Variants in ASAH2 observed in about 807,000 individuals in gnomAD.
ASAH2 encodes the protein neutral ceramidase.
ASAH2 carries 58 observed loss-of-function variants against 82.9 expected under a neutral mutation model. That is an observed-to-expected ratio of 0.70 (90% CI 0.57 to 0.87). ASAH2 has a LOEUF of 0.87. Ranked by LOEUF, ASAH2 falls within the 40% of genes least tolerant of loss-of-function variation. ASAH2 has a pLI of 0.00. For missense variants in ASAH2, 779 were observed against 834.0 expected (o/e 0.93, Z 0.81); for synonymous variants, 276 against 289.7 (o/e 0.95, Z 0.48).
At chr10:50,190,467 T>G (rs562774322) in intron 19 of ASAH2, among the ~76,000 whole-genome samples, 1 of 28,962 alleles carries the variant, frequency 3.5e-5, no homozygotes, top group African/African-American at 5.1e-5. Flanking sequence ...ACTGATGAAT[T>G]ACATTCAATA....
intron 3 of ASAH2, among the ~76,000 whole-genome samples, 178 bp from the exon 4 acceptor site, chr10:50,243,529 GC>G (rs1564852054): frequency 6.6e-6 from 1 of 152,166 alleles, no homozygotes. Context: ...AACAAAGAAA[GC>G]CAAAAAATAT....
At chr10:50,243,450 A>G in intron 3 of ASAH2, 99 bp from the exon 4 acceptor site, 2 of 1,272,134 alleles carry the variant, frequency 1.6e-6, no homozygotes, top group South Asian at 1.7e-5. Context: ...AAAAACAAAG[A>G]AAAACATCCA....
intron 8 of ASAH2, 25 bp from the exon 9 acceptor site, chr10:50,214,893 CT>C: frequency 6.2e-7 from 1 of 1,612,708 alleles, no homozygotes; most frequent in South Asian, 1.1e-5. Flanking sequence ...GCCAAGTTGC[CT>C]TTTATTCTTT....
intron 2 of ASAH2, 86 bp downstream of exon 2, chr10:50,248,396 GAC>G: frequency 6.7e-7 from 1 of 1,495,122 alleles, no homozygotes; most frequent in Non-Finnish European, 9.1e-7. Flanking sequence ...ACTATCAGCA[GAC>G]ACTGTTTTTC....
chr10:50,231,874 G>T (rs1409184690), intron 7 of ASAH2, among the ~76,000 whole-genome samples: 2 of 152,176 alleles, frequency 1.3e-5, no homozygotes, highest in African/African-American at 4.8e-5. Flanking sequence ...TAGCTAAAAT[G>T]ATTAAGCTTT....
chr10:50,226,459 A>C (rs925681082), intron 7 of ASAH2, among the ~76,000 whole-genome samples: 4,575 of 152,224 alleles, frequency 0.03, 129 homozygotes, highest in Middle Eastern at 0.12. Flanking sequence ...TTACTGTGGA[A>C]ATTTTAGAAA....
At chr10:50,202,042 A>C (rs1163760978) in intron 16 of ASAH2, among the ~76,000 whole-genome samples, 1 of 152,108 alleles carries the variant, frequency 6.6e-6, no homozygotes, top group East Asian at 1.9e-4. Context: ...GAAAGGATGT[A>C]ATTCTTCCTA....
intron 5 of ASAH2, 118 bp from the exon 6 acceptor site, chr10:50,234,670 C>A: frequency 7.2e-7 from 1 of 1,387,856 alleles, no homozygotes; most frequent in South Asian, 1.2e-5. Context: ...AATGGGTCCA[C>A]ATTACGGGAT....
At chr10:50,205,007 T>C (rs1320321811) in intron 13 of ASAH2, 52 bp from the exon 14 acceptor site, 4 of 1,279,870 alleles carry the variant, frequency 3.1e-6, no homozygotes, top group Non-Finnish European at 4.4e-6. Context: ...CTCTCTATGG[T>C]CAACAGACAT....
intron 7 of ASAH2, 63 bp from the exon 8 acceptor site, chr10:50,218,693 T>C: frequency 1.3e-6 from 2 of 1,598,112 alleles, no homozygotes; most frequent in Non-Finnish European, 8.6e-7. Context: ...CCAAGAACTA[T>C]GACTGGGAGC....
chr10:50,236,016 T>C lies in ASAH2; in HGVS notation c.559A>G (p.Asn187Asp). 1 of 1,613,302 alleles carries C rather than the reference T, an allele frequency of 6.2e-7. No individual in the cohort carries two copies. Among genetic ancestry groups the C allele is most frequent in the South Asian group, 1.1e-5 (1 of 91,074 alleles). ...GTGTGAGTGCCACTCAGGATGACAT[T>C]ATCTCTTCTGTACAGGGAGCCATAT... ...SKYGSLYRRD[N>D]VILSGTHTHS... The change falls in exon 5 of 21, where the codon AAT becomes GAT. Residue 187 changes from asparagine (N) to aspartate (D), a missense_variant. Around this residue, in one of 3 missense-constraint regions of ASAH2, gnomAD observed 759 missense variants for 755.2 expected, o/e 1.00. Coordinates refer to ENST00000682911, the MANE Select transcript of ASAH2 (RefSeq NM_019893.4).
chr10:50,234,483 C>T lies in ASAH2; in HGVS notation c.757G>A (p.Val253Met). ...IFINKGNVDG[V>M]QINRSPYSYL... The stretch of plus-strand genomic sequence containing the variant: ...GAATACGGACTTCTGTTGATCTGCA[C>T]ACCATCCACATTTCCTTTATTGATG... Residue 253 changes from valine to methionine, a missense_variant, in exon 6 of 21, where the codon GTG (valine) becomes ATG (methionine). Val to Met is a conservative substitution (Grantham distance 21). Coordinates refer to ENST00000682911, the MANE Select transcript of ASAH2 (RefSeq NM_019893.4). 4 of 1,613,110 alleles carry T rather than the reference C, an allele frequency of 2.5e-6. No homozygotes were observed. Among genetic ancestry groups the T allele is most frequent in the South Asian group, 2.2e-5 (2 of 91,060 alleles).
At chr10:50,206,698 T>A (rs576328209) in intron 12 of ASAH2, among the ~76,000 whole-genome samples, 2 of 152,070 alleles carry the variant, frequency 1.3e-5, no homozygotes, top group African/African-American at 4.8e-5. Context: ...ATTATAAATG[T>A]CTGTGTAACA....
At chr10:50,229,112 C>T (rs979232127) in intron 7 of ASAH2, among the ~76,000 whole-genome samples, 2 of 152,050 alleles carry the variant, frequency 1.3e-5, no homozygotes, top group Non-Finnish European at 2.9e-5. Flanking sequence ...ACATTTGAAA[C>T]CTGTTTTGCT....
At chr10:50,207,149 A>G (rs1233571587) in intron 12 of ASAH2, among the ~76,000 whole-genome samples, 1 of 151,842 alleles carries the variant, frequency 6.6e-6, no homozygotes, top group African/African-American at 2.4e-5. Context: ...AACACAACAC[A>G]TCAAAACTTA....
chr10:50,248,125 C>T (rs569709492), intron 2 of ASAH2, among the ~76,000 whole-genome samples: 1 of 152,244 alleles, frequency 6.6e-6, no homozygotes, highest in African/African-American at 2.4e-5. Context: ...TCTCCTTTTG[C>T]CCCCAGGAGA....
chr10:50,217,543 G>A (rs2842115), intron 8 of ASAH2, among the ~76,000 whole-genome samples: 116,149 of 151,946 alleles, frequency 0.76, 46,271 homozygotes, highest in Non-Finnish European at 0.88. Context: ...TCTGTTTTCT[G>A]TCATGAATAT....
chr10:50,250,970 C>G (rs1380166478), intron 1 of ASAH2, among the ~76,000 whole-genome samples: 1 of 152,194 alleles, frequency 6.6e-6, no homozygotes, highest in African/African-American at 2.4e-5. Context: ...ACTTGACCAC[C>G]ACCTTTAAGG....
At chr10:50,248,940 C>A (rs1846544142) in intron 1 of ASAH2, among the ~76,000 whole-genome samples, 2 of 152,216 alleles carry the variant, frequency 1.3e-5, no homozygotes. Flanking sequence ...TATTTGCATT[C>A]CTCAGCCATA....
Sources: gnomAD v4.1 joint callset for allele counts (sites outside exome capture counted in the v4.1 genomes callset) on GRCh38, gnomAD v4.1.1 for gene constraint, gnomAD v4.1.1 regional missense constraint, MANE v1.5 for transcripts, NCBI Gene and HGNC (gene_info 2026-07-23, HGNC 2026-07-21) for gene names.